Variants in NEDD4L observed in about 807,000 individuals in gnomAD.
NEDD4L encodes the protein NEDD4 like E3 ubiquitin protein ligase.
Under a neutral mutation model 148.9 loss-of-function variants are expected in NEDD4L, and 54 were observed. That is an observed-to-expected ratio of 0.36 (90% confidence interval 0.29 to 0.45). NEDD4L has a LOEUF of 0.45. Among genes scored for constraint, NEDD4L ranks in the 20% least tolerant of loss-of-function variants. The probability of loss-of-function intolerance (pLI) is 1.00; values close to 1 mark genes in which losing one functional copy is unlikely to be tolerated. For synonymous variants in NEDD4L, 433 were observed against 440.7 expected, an observed-to-expected ratio of 0.98 and a Z score of 0.22; for missense variants, 856 against 1,233.8, an observed-to-expected ratio of 0.69 and a Z score of 4.59.
chr18:58,394,791 G>A (rs1221171316), intron 30 of NEDD4L, among the ~76,000 whole-genome samples: 15 of 152,224 alleles, frequency 9.9e-5, no homozygotes, highest in Admixed American at 1.3e-4. Context: ...CTGTGACAAC[G>A]GTTAGCTTTT....
intron 2 of NEDD4L, among the ~76,000 whole-genome samples, chr18:58,210,182 A>G (rs2042458487): frequency 1.3e-5 from 2 of 152,276 alleles, no homozygotes; most frequent in Admixed American, 1.3e-4. Context: ...CAACAACAAC[A>G]AAAAAGAAAG....
chr18:58,239,582 G>A (rs895033742), intron 2 of NEDD4L, among the ~76,000 whole-genome samples: 1 of 152,188 alleles, frequency 6.6e-6, no homozygotes, highest in Admixed American at 6.5e-5. Context: ...CAAATAATAG[G>A]TGTGAAAGAA....
chr18:58,241,298 C>T (rs2046603699), intron 2 of NEDD4L, among the ~76,000 whole-genome samples: 1 of 152,216 alleles, frequency 6.6e-6, no homozygotes, highest in Non-Finnish European at 1.5e-5. Context: ...AGGGTTTGAG[C>T]TCTGCAGGAA....
At chr18:58,083,549 G>C (rs1438594827) in intron 1 of NEDD4L, among the ~76,000 whole-genome samples, 3 of 152,100 alleles carry the variant, frequency 2.0e-5, no homozygotes, top group African/African-American at 7.2e-5. Flanking sequence ...TTAGCCGGGC[G>C]TGGTGGCGGG....
chr18:58,207,011 T>C (rs1568386784), intron 2 of NEDD4L, among the ~76,000 whole-genome samples: 1 of 152,182 alleles, frequency 6.6e-6, no homozygotes. Flanking sequence ...TCCTTTGCAT[T>C]GTGAAAGTGC....
intron 2 of NEDD4L, among the ~76,000 whole-genome samples, chr18:58,205,184 T>G (rs2041854230): frequency 6.6e-6 from 1 of 152,262 alleles, no homozygotes; most frequent in Non-Finnish European, 1.5e-5. Flanking sequence ...TTAGTCCTTT[T>G]AATTAACTCC....
intron 5 of NEDD4L, among the ~76,000 whole-genome samples, chr18:58,303,068 C>T (rs1039872158): frequency 1.3e-5 from 2 of 152,214 alleles, no homozygotes; most frequent in South Asian, 2.1e-4. Flanking sequence ...CAGCCCTGCT[C>T]CTGGGGCCTT....
At chr18:58,223,800 AATGGCAGAAGCAC>A (rs2044042940) in intron 2 of NEDD4L, among the ~76,000 whole-genome samples, 1 of 152,242 alleles carries the variant, frequency 6.6e-6, no homozygotes, top group African/African-American at 2.4e-5. Context: ...CCTTCAGGGC[AATGGCAGAAGCAC>A]ATGTTCTCTG....
intron 1 of NEDD4L, among the ~76,000 whole-genome samples, chr18:58,128,109 C>T (rs553260252): frequency 1.7e-4 from 26 of 152,158 alleles, no homozygotes; most frequent in Admixed American, 2.6e-4. Flanking sequence ...TGCGATGGCA[C>T]GATCTCGGCT....
intron 1 of NEDD4L, among the ~76,000 whole-genome samples, chr18:58,073,434 A>G (rs1392643624): frequency 6.6e-6 from 1 of 152,226 alleles, no homozygotes; most frequent in Non-Finnish European, 1.5e-5. Context: ...GAGTCCAGAA[A>G]TAGACCCTTA....
chr18:58,315,839 C>T (rs1308152168), intron 5 of NEDD4L, 143 bp from the exon 6 acceptor site: 4 of 766,034 alleles, frequency 5.2e-6, no homozygotes, highest in East Asian at 2.5e-5. Flanking sequence ...TGTGGTTACT[C>T]GTGTCTCCTC....
chr18:58,200,665 C>T (rs2041291578), intron 2 of NEDD4L, among the ~76,000 whole-genome samples: 1 of 152,162 alleles, frequency 6.6e-6, no homozygotes. Context: ...ATTCCTGCCC[C>T]CACACTCCTG....
chr18:58,350,740 T>C (rs777068399), intron 17 of NEDD4L, among the ~76,000 whole-genome samples: 11 of 152,250 alleles, frequency 7.2e-5, no homozygotes, highest in Non-Finnish European at 1.3e-4. Context: ...TTGAAGCTTT[T>C]GAGCTAGCAG....
chr18:58,297,252 G>A (rs1475393766), intron 5 of NEDD4L, among the ~76,000 whole-genome samples: 4 of 152,102 alleles, frequency 2.6e-5, no homozygotes, highest in African/African-American at 9.7e-5. Context: ...AATTTTGTGG[G>A]CCAGTATTCA....
intron 1 of NEDD4L, among the ~76,000 whole-genome samples, chr18:58,074,062 G>A (rs1261411517): frequency 6.6e-6 from 1 of 152,096 alleles, no homozygotes; most frequent in African/African-American, 2.4e-5. Flanking sequence ...CCCTGTTCCT[G>A]GGTTGAGGGA....
intron 1 of NEDD4L, chr18:58,045,023 C>T: frequency 2.4e-6 from 1 of 410,534 alleles, no homozygotes; most frequent in Admixed American, 4.4e-5. Context: ...CCTCTCCAAG[C>T]AGCGTCTCCC....
At chr18:58,046,892 T>G (rs2081609503) in intron 1 of NEDD4L, 1 of 152,208 alleles carries the variant, frequency 6.6e-6, no homozygotes, top group South Asian at 2.1e-4. Flanking sequence ...TTTTCAACTT[T>G]CTCCTACCAG....
chr18:58,131,518 G>T (rs971711705), intron 1 of NEDD4L, among the ~76,000 whole-genome samples: 1 of 151,338 alleles, frequency 6.6e-6, no homozygotes, highest in Admixed American at 6.6e-5. Context: ...GTTGGGCTCT[G>T]TTGGGGTTTG....
At chr18:58,289,974 A>G (rs1014871276) in intron 5 of NEDD4L, among the ~76,000 whole-genome samples, 3 of 152,232 alleles carry the variant, frequency 2.0e-5, no homozygotes, top group Non-Finnish European at 2.9e-5. Context: ...TTTCATATTC[A>G]TCATGTCCCC....
Sources: gnomAD v4.1 joint callset for allele counts (sites outside exome capture counted in the v4.1 genomes callset) on GRCh38, gnomAD v4.1.1 for gene constraint, MANE v1.5 for transcripts, NCBI Gene and HGNC (gene_info 2026-07-23, HGNC 2026-07-21) for gene names.